Variants in IQSEC1 observed in about 807,000 individuals in gnomAD.
The protein encoded by IQSEC1 is IQ motif and SEC7 domain-containing protein 1.
In IQSEC1, 31 loss-of-function variants were observed where a neutral mutation model predicts 91.0. That is an observed-to-expected ratio of 0.34 (90% CI 0.26 to 0.46). The LOEUF (loss-of-function observed/expected upper bound fraction) is 0.46, where lower values mean the gene tolerates loss of function less well. Among genes scored for constraint, IQSEC1 ranks in the 20% least tolerant of loss-of-function variants. The pLI is 1.00. For missense variants in IQSEC1, 1,388 were observed against 1,575.6 expected (o/e 0.88, Z 2.02); for synonymous variants, 699 against 662.6 (o/e 1.05, Z -0.84).
intron 1 of IQSEC1, chr3:13,042,408 G>A (rs978840667): frequency 1.3e-5 from 2 of 152,256 alleles, no homozygotes; most frequent in African/African-American, 4.8e-5. Flanking sequence ...CGTCTCCGCG[G>A]AGACACGGAG....
rs138340869 is a variant in IQSEC1, at chr3:13,100,936, G to A, written c.303-53414C>T. Among the ~76,000 whole-genome samples, 175 of 148,548 alleles carry A rather than the reference G, an allele frequency of 1.2e-3. 21 individuals carry two copies. The highest frequency in any genetic ancestry group is 4.4e-3 in the African/African-American group (172 of 39,392). ...CGGCCAGGGAGGGCCTCCCCGAGAG[G>A]CAATCTTTGAATTGAGACCTGAACG... On this transcript the variant is annotated intron_variant, in intron 2 of 15. Transcript: ENST00000648114.
chr3:13,218,063 C>T (rs1056464419), intron 1 of IQSEC1, among the ~76,000 whole-genome samples: 5 of 152,204 alleles, frequency 3.3e-5, no homozygotes, highest in Admixed American at 1.3e-4. Context: ...CCCTGGCTTC[C>T]GAGGCCCCCT....
intron 3 of IQSEC1, among the ~76,000 whole-genome samples, chr3:12,931,383 ACTT>A (rs1697658068): frequency 6.6e-6 from 1 of 152,144 alleles, no homozygotes; most frequent in Admixed American, 6.5e-5. Flanking sequence ...TGGGCCCAGC[ACTT>A]CTGGTGTGTG....
At chr3:13,093,175 G>A (rs557916627) in intron 2 of IQSEC1, among the ~76,000 whole-genome samples, 51 of 152,238 alleles carry the variant, frequency 3.4e-4, no homozygotes, top group African/African-American at 1.2e-3. Flanking sequence ...AGCTGGGGAG[G>A]CGAGAGGATA....
At chr3:12,927,305 C>T (rs971612197) in intron 3 of IQSEC1, among the ~76,000 whole-genome samples, 4 of 152,168 alleles carry the variant, frequency 2.6e-5, no homozygotes, top group African/African-American at 4.8e-5. Flanking sequence ...GACCTTCTGG[C>T]GTCCCTGGGC....
At chr3:13,045,135 C>A (rs1704447191) in intron 1 of IQSEC1, among the ~76,000 whole-genome samples, 1 of 152,232 alleles carries the variant, frequency 6.6e-6, no homozygotes, top group Non-Finnish European at 1.5e-5. Context: ...ATGCTCCACC[C>A]CAGGGCCTCT....
At chr3:12,949,768 G>A (rs1262833139) in intron 1 of IQSEC1, among the ~76,000 whole-genome samples, 2 of 152,202 alleles carry the variant, frequency 1.3e-5, no homozygotes, top group African/African-American at 4.8e-5. Flanking sequence ...GGGTCTGGGG[G>A]GCGGGTGGGG....
chr3:12,911,844 C>A, intron 9 of IQSEC1, 116 bp from the exon 10 acceptor site: 1 of 731,932 alleles, frequency 1.4e-6, no homozygotes, highest in Non-Finnish European at 2.4e-6. Flanking sequence ...GGGACAAGCC[C>A]ACGTGAGTGG....
Position 12,920,557 on chromosome 3 carries a change from T to C in IQSEC1, c.1893A>G (p.Gln631=), listed in dbSNP as rs562957503. ...TGAAAATGGTGTCTGGGTTCCGGAATTGCCGCACCACCCCAGGGTTGCAGA... is the reference window on the plus strand; with the variant it reads ...TGAAAATGGTGTCTGGGTTCCGGAACTGCCGCACCACCCCAGGGTTGCAGA... ...YCICNPGVVR[Q]FRNPDTIFIL... The change falls in exon 6 of 14, where the codon CAA becomes CAG. Residue 631 remains glutamine (Q), a synonymous_variant. Transcript: ENST00000613206. 2.5e-6 allele frequency: 4 copies of C among 1,614,102 alleles called. No individual in the cohort carries two copies. Among genetic ancestry groups the C allele is most frequent in the Admixed American group, 1.7e-5 (1 of 60,028 alleles).
upstream of IQSEC1, among the ~76,000 whole-genome samples, chr3:13,073,883 C>T (rs1198616317): frequency 1.3e-5 from 2 of 152,198 alleles, no homozygotes; most frequent in Non-Finnish European, 2.9e-5. Flanking sequence ...AGCTATACCA[C>T]GGGGTTCCAG....
chr3:13,249,769 G>C (rs1468466344), intron 1 of IQSEC1, among the ~76,000 whole-genome samples: 1 of 152,222 alleles, frequency 6.6e-6, no homozygotes, highest in African/African-American at 2.4e-5. Context: ...CACAGGAGCA[G>C]ACTCCAAGGA....
intron 3 of IQSEC1, among the ~76,000 whole-genome samples, chr3:12,930,313 T>C (rs1697557088): frequency 6.6e-6 from 1 of 152,216 alleles, no homozygotes; most frequent in African/African-American, 2.4e-5. Context: ...TGTGCTTGGC[T>C]CCAGTCCTTT....
At position 13,214,102 on chromosome 3, in the gene IQSEC1, C is replaced by G. The variant is rs140055030; in HGVS notation, c.273-49969G>C. Among the ~76,000 whole-genome samples, 411 of 152,264 alleles carry G rather than the reference C, an allele frequency of 2.7e-3. 4 individuals are homozygous for G. The highest frequency in any genetic ancestry group is 9.5e-3 in the African/African-American group (395 of 41,548). On this transcript the variant is annotated intron_variant, in intron 1 of 15. Coordinates refer to the IQSEC1 transcript ENST00000648114. This position sits in a 1 kb window ranked among gnomAD's most constrained non-coding sequence, Gnocchi z 4.5. Reference sequence around the variant, plus strand: ...TGTGCTCTGTCCACACGGCCCAGCCCCTCCTGGCCTTTGCTATACTGGTCT... The same window carrying G: ...TGTGCTCTGTCCACACGGCCCAGCCGCTCCTGGCCTTTGCTATACTGGTCT...
intron 1 of IQSEC1, among the ~76,000 whole-genome samples, chr3:13,066,069 G>C (rs1453991121): frequency 6.6e-6 from 1 of 152,238 alleles, no homozygotes; most frequent in African/African-American, 2.4e-5. Flanking sequence ...GTGGGTGCCA[G>C]GGGCTGGGGA....
At chr3:12,912,634 G>A (rs1353532465) in intron 9 of IQSEC1, among the ~76,000 whole-genome samples, 3 of 135,300 alleles carry the variant, frequency 2.2e-5, no homozygotes, top group South Asian at 2.3e-4. Context: ...ACTGCAGTCC[G>A]CAGTCCCGCC....
At chr3:13,074,585 G>A (rs765992474), upstream of IQSEC1, among the ~76,000 whole-genome samples, 1 of 152,174 alleles carries the variant, frequency 6.6e-6, no homozygotes, top group Non-Finnish European at 1.5e-5. Context: ...CCTACTTCAC[G>A]GGGGAGCGCA....
intron 10 of IQSEC1, among the ~76,000 whole-genome samples, chr3:12,910,501 C>T (rs569819268): frequency 6.6e-6 from 1 of 152,332 alleles, no homozygotes; most frequent in South Asian, 2.1e-4. Flanking sequence ...CTGGTCAGGA[C>T]AATGTGGGGA....
intron 1 of IQSEC1, among the ~76,000 whole-genome samples, chr3:13,266,065 T>C (rs1695484854): frequency 6.6e-6 from 1 of 151,750 alleles, no homozygotes; most frequent in African/African-American, 2.4e-5. Flanking sequence ...CGAGGTCCAC[T>C]ATGGAGCGAG....
intron 1 of IQSEC1, among the ~76,000 whole-genome samples, chr3:12,964,812 C>T (rs1052407476): frequency 1.3e-5 from 2 of 152,018 alleles, no homozygotes; most frequent in Admixed American, 6.6e-5. Context: ...CAGATAAAAC[C>T]GTATGCACAC....
Sources: gnomAD v4.1 joint callset for allele counts (sites outside exome capture counted in the v4.1 genomes callset) on GRCh38, gnomAD v4.1.1 for gene constraint, Gnocchi (gnomAD v3.1) non-coding constraint, MANE v1.5 for transcripts, NCBI Gene and HGNC (gene_info 2026-07-23, HGNC 2026-07-21) for gene names.